Variants in ROBO2 observed in about 807,000 individuals in gnomAD.
ROBO2 encodes the protein roundabout homolog 2.
ROBO2 carries 53 observed loss-of-function variants against 160.8 expected under a neutral mutation model. The ratio of observed to expected loss-of-function variants is 0.33; its 90% CI spans 0.26 to 0.41. The LOEUF (loss-of-function observed/expected upper bound fraction) is 0.41. ROBO2 is among the 10% of genes least tolerant of loss of function. ROBO2 has a pLI of 1.00. For synonymous variants in ROBO2, 664 were observed against 611.7 expected, an observed-to-expected ratio of 1.09 and a Z score of -1.26; for missense variants, 1,577 against 1,722.4, an observed-to-expected ratio of 0.92 and a Z score of 1.49.
intron 2 of ROBO2, among the ~76,000 whole-genome samples, chr3:75,990,411 G>A (rs1159600735): frequency 1.3e-5 from 2 of 152,152 alleles, no homozygotes; most frequent in African/African-American, 4.8e-5. Context: ...GAAACTTAGG[G>A]ATGACTAGGC....
At chr3:76,008,506 G>T (rs1191285436) in intron 2 of ROBO2, among the ~76,000 whole-genome samples, 1 of 152,126 alleles carries the variant, frequency 6.6e-6, no homozygotes, top group African/African-American at 2.4e-5. Context: ...AGACTTTTAT[G>T]AAGTATCTTG....
At chr3:76,381,162 G>A (rs892859909) in intron 2 of ROBO2, among the ~76,000 whole-genome samples, 24 of 151,982 alleles carry the variant, frequency 1.6e-4, no homozygotes, top group Non-Finnish European at 3.1e-4. Context: ...TGCTCTCTTC[G>A]GGGGTGTCAA....
intron 2 of ROBO2, among the ~76,000 whole-genome samples, chr3:77,169,812 G>T (rs921100052): frequency 6.6e-6 from 1 of 152,028 alleles, no homozygotes; most frequent in African/African-American, 2.4e-5. Context: ...TGTTCCATAG[G>T]GTTGGGGATT....
intron 2 of ROBO2, among the ~76,000 whole-genome samples, chr3:77,262,328 G>T (rs148216467): frequency 6.6e-6 from 1 of 152,066 alleles, no homozygotes; most frequent in African/African-American, 2.4e-5. Flanking sequence ...TGACAGCATC[G>T]TGATACATAA....
intron 2 of ROBO2, among the ~76,000 whole-genome samples, chr3:76,610,533 T>A (rs2088020893): frequency 6.6e-6 from 1 of 152,176 alleles, no homozygotes; most frequent in African/African-American, 2.4e-5. Flanking sequence ...TAACTCTTGC[T>A]CGGAAAGTCC....
intron 2 of ROBO2, among the ~76,000 whole-genome samples, chr3:76,500,658 A>G (rs1411375298): frequency 6.6e-6 from 1 of 152,174 alleles, no homozygotes; most frequent in East Asian, 1.9e-4. Context: ...TGACAGAGTG[A>G]CAGCTCTGGA....
At chr3:77,107,384 A>C (rs1205182967) in intron 2 of ROBO2, among the ~76,000 whole-genome samples, 2 of 152,198 alleles carry the variant, frequency 1.3e-5, no homozygotes, top group Non-Finnish European at 2.9e-5. Context: ...AGCTTAAATT[A>C]ACACCCAAGT....
chr3:76,517,663 A>G (rs2081408503), intron 2 of ROBO2, among the ~76,000 whole-genome samples: 1 of 152,170 alleles, frequency 6.6e-6, no homozygotes, highest in Non-Finnish European at 1.5e-5. Flanking sequence ...TGCTATTGCT[A>G]TTCCTGTTTT....
At position 77,468,771 on chromosome 3, in the gene ROBO2, C is replaced by T. The variant is rs941681123; in HGVS notation, c.389-8643C>T. 3.9e-5 allele frequency among the ~76,000 whole-genome samples: 6 copies of T among 152,284 alleles called. No individual in the cohort carries two copies. In the East Asian group the frequency reaches 9.7e-4, roughly 25 times the overall value. Reference sequence around the variant, plus strand: ...TTATTCAACATGCTCCAATTCCTACCGCTGGTTTATCTGGATCATTTGCTC... The same window carrying T: ...TTATTCAACATGCTCCAATTCCTACTGCTGGTTTATCTGGATCATTTGCTC... On this transcript the variant is annotated intron_variant, in intron 2 of 25. Coordinates refer to ENST00000461745, the Ensembl canonical transcript of ROBO2.
intron 2 of ROBO2, among the ~76,000 whole-genome samples, chr3:76,927,774 C>T (rs887503805): frequency 1.3e-5 from 2 of 151,806 alleles, no homozygotes; most frequent in Non-Finnish European, 2.9e-5. Flanking sequence ...TCTTTGAGTC[C>T]TCGATGGCAC....
chr3:76,995,865 G>A (rs1174424204), intron 2 of ROBO2, among the ~76,000 whole-genome samples: 2 of 152,090 alleles, frequency 1.3e-5, no homozygotes, highest in East Asian at 1.9e-4. Context: ...TTTGTCAGAT[G>A]AGTAGATTGC....
chr3:75,957,837 A>C (rs1423505972), intron 2 of ROBO2, among the ~76,000 whole-genome samples: 2 of 151,278 alleles, frequency 1.3e-5, no homozygotes, highest in Non-Finnish European at 3.0e-5. Flanking sequence ...ATTCTGTTTT[A>C]CCTTTCTTGT....
At chr3:77,547,563 T>C (rs1408082792) in intron 7 of ROBO2, among the ~76,000 whole-genome samples, 1 of 152,120 alleles carries the variant, frequency 6.6e-6, no homozygotes, top group African/African-American at 2.4e-5. Flanking sequence ...AGGAAGCCTG[T>C]AGAAGTTCTG....
intron 2 of ROBO2, among the ~76,000 whole-genome samples, chr3:76,384,264 C>T (rs111403041): frequency 2.4e-3 from 366 of 152,210 alleles, no homozygotes; most frequent in Middle Eastern, 6.8e-3. Context: ...CTTGATTTAG[C>T]TTTTTAGTAT....
At chr3:77,271,203 G>T (rs2059470861) in intron 2 of ROBO2, among the ~76,000 whole-genome samples, 1 of 152,020 alleles carries the variant, frequency 6.6e-6, no homozygotes, top group African/African-American at 2.4e-5. Flanking sequence ...TGATAACATT[G>T]AATAATATTA....
chr3:76,310,001 TG>T (rs2071501687), intron 2 of ROBO2, among the ~76,000 whole-genome samples: 1 of 151,876 alleles, frequency 6.6e-6, no homozygotes. Flanking sequence ...TTTTTTTTTT[TG>T]TAGAGGTGGG....
chr3:77,002,378 G>C (rs1172579959), intron 2 of ROBO2, among the ~76,000 whole-genome samples: 1 of 150,772 alleles, frequency 6.6e-6, no homozygotes, highest in Non-Finnish European at 1.5e-5. Context: ...TATATTTAAG[G>C]GTGTGACTTA....
chr3:76,794,788 A>G (rs1037845810), intron 2 of ROBO2, among the ~76,000 whole-genome samples: 1 of 152,092 alleles, frequency 6.6e-6, no homozygotes, highest in Admixed American at 6.6e-5. Context: ...GTCTTTTCAC[A>G]AGCATTTCTA....
intron 5 of ROBO2, among the ~76,000 whole-genome samples, chr3:77,512,809 A>C (rs2089560337): frequency 6.6e-6 from 1 of 151,988 alleles, no homozygotes; most frequent in Admixed American, 6.6e-5. Flanking sequence ...CAAACCTTTC[A>C]AGTCTCCTTA....
Sources: gnomAD v4.1 joint callset for allele counts (sites outside exome capture counted in the v4.1 genomes callset) on GRCh38, gnomAD v4.1.1 for gene constraint, MANE v1.5 for transcripts, NCBI Gene and HGNC (gene_info 2026-07-23, HGNC 2026-07-21) for gene names.